MMP16: variants seen among roughly 807,000 people sequenced by gnomAD.
MMP16 encodes the protein matrix metallopeptidase 16.
A neutral mutation model predicts 67.8 loss-of-function variants in MMP16; 12 were observed. The ratio of observed to expected loss-of-function variants is 0.18; its 90% confidence interval spans 0.11 to 0.29. MMP16 has a LOEUF of 0.29. Among genes scored for constraint, MMP16 ranks in the 10% least tolerant of loss-of-function variants. MMP16 has a pLI of 1.00. For missense variants in MMP16, 475 were observed against 765.7 expected, an observed-to-expected ratio of 0.62 and a Z score of 4.48; for synonymous variants, 249 against 255.9, an observed-to-expected ratio of 0.97 and a Z score of 0.26.
intron 1 of MMP16, among the ~76,000 whole-genome samples, chr8:88,326,671 G>T (rs995499899): frequency 1.3e-5 from 2 of 152,130 alleles, no homozygotes; most frequent in Admixed American, 1.3e-4. Context: ...CCAAACACTG[G>T]GAGAAAGATT....
At chr8:88,106,331 A>G (rs2118396438) in intron 6 of MMP16, among the ~76,000 whole-genome samples, 1 of 151,388 alleles carries the variant, frequency 6.6e-6, no homozygotes, top group East Asian at 2.0e-4. Context: ...AAAAATATGT[A>G]TCTTGGAGAT....
intron 3 of MMP16, among the ~76,000 whole-genome samples, chr8:88,184,761 A>AAAAAAAAAAAAAAAAAAAAAAAAAAAAG (rs1809044948): frequency 7.0e-6 from 1 of 142,482 alleles, no homozygotes; most frequent in African/African-American, 2.6e-5. Flanking sequence ...AAAAAAAAAA[A>AAAAAAAAAAAAAAAAAAAAAAAAAAAAG]AAAAAAAAAA....
intron 9 of MMP16, among the ~76,000 whole-genome samples, chr8:88,044,557 G>GAAGAAT: frequency 6.6e-6 from 1 of 152,230 alleles, no homozygotes; most frequent in Non-Finnish European, 1.5e-5. Flanking sequence ...ACATGCTTAT[G>GAAGAAT]AAGAATAACT....
At chr8:88,244,476 A>T (rs974232792) in intron 1 of MMP16, among the ~76,000 whole-genome samples, 1 of 152,208 alleles carries the variant, frequency 6.6e-6, no homozygotes, top group Non-Finnish European at 1.5e-5. Context: ...TTTGTGGTAC[A>T]TCATTCCTTT....
chr8:88,237,150 A>G (rs1217666280), intron 1 of MMP16, among the ~76,000 whole-genome samples: 2 of 152,224 alleles, frequency 1.3e-5, no homozygotes, highest in East Asian at 1.9e-4. Context: ...CCCTGCACTG[A>G]TAAGACCATC....
At chr8:88,294,407 CATAT>C (rs1810975778) in intron 1 of MMP16, among the ~76,000 whole-genome samples, 1 of 141,126 alleles carries the variant, frequency 7.1e-6, no homozygotes, top group South Asian at 2.2e-4. Flanking sequence ...TATGTATATA[CATAT>C]ATACACATAT....
intron 3 of MMP16, 26 bp from the exon 4 acceptor site, chr8:88,167,999 A>C: frequency 6.4e-7 from 1 of 1,556,348 alleles, no homozygotes; most frequent in Non-Finnish European, 8.7e-7. Context: ...TATAATCATC[A>C]GTATTGTTAT....
intron 8 of MMP16, among the ~76,000 whole-genome samples, chr8:88,050,771 TG>T (rs1336365851): frequency 1.3e-5 from 2 of 152,210 alleles, no homozygotes; most frequent in African/African-American, 4.8e-5. Flanking sequence ...TTCAAACAAC[TG>T]GTGTTCATTG....
At chr8:88,261,492 T>C (rs1403491437) in intron 1 of MMP16, among the ~76,000 whole-genome samples, 2 of 152,102 alleles carry the variant, frequency 1.3e-5, no homozygotes, top group African/African-American at 2.4e-5. Flanking sequence ...ATATTTTTAC[T>C]ACCATACTTA....
At chr8:88,047,126 A>G (rs190255790) in intron 8 of MMP16, among the ~76,000 whole-genome samples, 4 of 152,360 alleles carry the variant, frequency 2.6e-5, no homozygotes, top group Admixed American at 6.5e-5. Flanking sequence ...TCATAAGGAC[A>G]TCACCAACCT....
intron 7 of MMP16, among the ~76,000 whole-genome samples, chr8:88,064,978 G>T (rs1315033121): frequency 6.6e-6 from 1 of 152,054 alleles, no homozygotes; most frequent in African/African-American, 2.4e-5. Flanking sequence ...TGATGCATCA[G>T]TTGGGCCAAG....
Position 88,084,334 on chromosome 8 carries a change from T to G in MMP16, c.1084-9591A>C, listed in dbSNP as rs28991873. Among the ~76,000 whole-genome samples the G allele has an allele frequency of 6.6e-4, 101 of 152,048 alleles. 1 individual carries two copies. The highest frequency in any genetic ancestry group is 2.4e-3 in the African/African-American group (100 of 41,522). ...CAAGTTTTTGTTAGGCCAAATCTAATTGGGCCTTCAGACTTAACTTCTTCA... is the reference window on the plus strand; with the variant it reads ...CAAGTTTTTGTTAGGCCAAATCTAAGTGGGCCTTCAGACTTAACTTCTTCA... On this transcript the variant is annotated intron_variant, in intron 6 of 9. Coordinates refer to ENST00000286614, the MANE Select transcript of MMP16 (RefSeq NM_005941.5).
intron 1 of MMP16, among the ~76,000 whole-genome samples, chr8:88,239,818 G>A (rs1810006727): frequency 6.6e-6 from 1 of 152,100 alleles, no homozygotes; most frequent in Admixed American, 6.6e-5. Context: ...AATTAACACT[G>A]GTTAGAAGAG....
intron 1 of MMP16, among the ~76,000 whole-genome samples, chr8:88,284,407 A>T (rs1810791035): frequency 6.6e-6 from 1 of 152,116 alleles, no homozygotes; most frequent in African/African-American, 2.4e-5. Flanking sequence ...CTCAAGGATC[A>T]TCTCACTTAA....
intron 1 of MMP16, among the ~76,000 whole-genome samples, chr8:88,241,296 A>G (rs1298758074): frequency 6.6e-6 from 1 of 152,040 alleles, no homozygotes; most frequent in Non-Finnish European, 1.5e-5. Context: ...ATGCTTTGAA[A>G]TTTTTAAATA....
intron 1 of MMP16, among the ~76,000 whole-genome samples, chr8:88,282,213 T>C (rs1030134296): frequency 1.3e-5 from 2 of 151,980 alleles, no homozygotes; most frequent in African/African-American, 4.8e-5. Flanking sequence ...TAGCTGAGAT[T>C]ACAGGCGTGC....
At chr8:88,074,863 T>C in intron 6 of MMP16, 120 bp from the exon 7 acceptor site, 1 of 1,300,982 alleles carries the variant, frequency 7.7e-7, no homozygotes, top group Non-Finnish European at 1.1e-6. Context: ...TTACATTAAA[T>C]CAGTCAGAGA....
intron 7 of MMP16, chr8:88,069,118 C>T (rs528379313): frequency 1.1e-4 from 22 of 193,036 alleles, no homozygotes; most frequent in East Asian, 1.8e-4. Context: ...GTATTTCGAT[C>T]GGGATTGCAC....
At chr8:88,313,694 C>T (rs1811333980) in intron 1 of MMP16, among the ~76,000 whole-genome samples, 1 of 152,158 alleles carries the variant, frequency 6.6e-6, no homozygotes, top group East Asian at 1.9e-4. Context: ...AACCTGTTCT[C>T]ACACTGCTGA....
Sources: gnomAD v4.1 joint callset for allele counts (sites outside exome capture counted in the v4.1 genomes callset) on GRCh38, gnomAD v4.1.1 for gene constraint, MANE v1.5 for transcripts, NCBI Gene and HGNC (gene_info 2026-07-23, HGNC 2026-07-21) for gene names.